Variants in PLXNA4 observed in about 807,000 individuals in gnomAD.
The protein encoded by PLXNA4 is plexin A4.
A neutral mutation model predicts 191.8 loss-of-function variants in PLXNA4; 44 were observed. That is an observed-to-expected ratio of 0.23 (90% CI 0.18 to 0.29). PLXNA4 has a LOEUF of 0.29. PLXNA4 is among the 10% of genes least tolerant of loss of function. The pLI is 1.00. For synonymous variants in PLXNA4, 1,082 were observed against 1,009.5 expected (o/e 1.07, Z -1.36); for missense variants, 1,800 against 2,488.8 (o/e 0.72, Z 5.89).
At chr7:132,517,622 G>C (rs1203555757) in intron 1 of PLXNA4, among the ~76,000 whole-genome samples, 1 of 152,194 alleles carries the variant, frequency 6.6e-6, no homozygotes, top group Non-Finnish European at 1.5e-5. Context: ...GGTGCATCAG[G>C]CTCTGGCCCT....
chr7:132,559,982 T>C (rs1408702821), intron 1 of PLXNA4, among the ~76,000 whole-genome samples: 2 of 152,142 alleles, frequency 1.3e-5, no homozygotes, highest in East Asian at 1.9e-4. Context: ...ATTCCCATGA[T>C]AAAAATTTTT....
rs1795504268 is a variant in PLXNA4 at position 132,148,651 on chromosome 7, C to CAA, written c.4661-7_4661-6dup. 1.2e-6 allele frequency: 2 copies of CAA among 1,614,100 alleles called. No individual in the cohort carries two copies. The highest frequency in any genetic ancestry group is 1.7e-6 in the Non-Finnish European group (2 of 1,179,996). ...CCCCACTTCCTTGTCGCCACTCTGCCAAAAGAGCGGTGGCGTTTCAGAGAG... is the reference window on the plus strand; with the variant it reads ...CCCCACTTCCTTGTCGCCACTCTGCCAAAAAAGAGCGGTGGCGTTTCAGAGAG... On this transcript the variant is annotated splice_polypyrimidine_tract_variant and splice_region_variant and intron_variant, in intron 25 of 31. Coordinates refer to ENST00000321063, the MANE Select transcript of PLXNA4 (RefSeq NM_020911.2).
At chr7:132,410,576 T>G (rs1233284447) in intron 3 of PLXNA4, among the ~76,000 whole-genome samples, 1 of 152,176 alleles carries the variant, frequency 6.6e-6, no homozygotes, top group Non-Finnish European at 1.5e-5. Context: ...ATTTATGAGC[T>G]GACAACCAGA....
chr7:132,374,796 C>T (rs544054908), intron 3 of PLXNA4, among the ~76,000 whole-genome samples: 1 of 152,298 alleles, frequency 6.6e-6, no homozygotes, highest in South Asian at 2.1e-4. Flanking sequence ...TTTTATCTAG[C>T]AATTTCACTA....
intron 21 of PLXNA4, among the ~76,000 whole-genome samples, chr7:132,172,879 T>C (rs1796335200): frequency 6.6e-6 from 1 of 152,214 alleles, no homozygotes; most frequent in African/African-American, 2.4e-5. Flanking sequence ...TGCATTCTTA[T>C]TTAAATTATT....
intron 8 of PLXNA4, 121 bp from the exon 9 acceptor site, chr7:132,223,762 C>T: frequency 4.2e-6 from 3 of 715,352 alleles, no homozygotes; most frequent in Middle Eastern, 2.8e-4. Context: ...GTTGAATGTG[C>T]AGGAAGGGCA....
At chr7:132,567,535 T>G (rs1237421073) in intron 1 of PLXNA4, among the ~76,000 whole-genome samples, 1 of 152,222 alleles carries the variant, frequency 6.6e-6, no homozygotes, top group African/African-American at 2.4e-5. Flanking sequence ...CTGTCCCTGC[T>G]GCAGAGTAAG....
intron 1 of PLXNA4, among the ~76,000 whole-genome samples, chr7:132,528,354 A>T (rs550014036): frequency 1.3e-5 from 2 of 152,106 alleles, no homozygotes; most frequent in East Asian, 3.9e-4. Context: ...CAGCCAACCC[A>T]CCAATGTGTC....
intron 10 of PLXNA4, among the ~76,000 whole-genome samples, chr7:132,206,086 T>C (rs1176800848): frequency 6.6e-6 from 1 of 152,122 alleles, no homozygotes; most frequent in East Asian, 1.9e-4. Context: ...TTCCACAAAG[T>C]GGTTCTGCCA....
intron 9 of PLXNA4, among the ~76,000 whole-genome samples, chr7:132,220,671 G>A (rs1015290183): frequency 6.6e-6 from 1 of 151,970 alleles, no homozygotes; most frequent in Non-Finnish European, 1.5e-5. Context: ...CTGAGATGCT[G>A]TGAATCCCCA....
At chr7:132,582,156 T>A (rs1023126204), upstream of PLXNA4, among the ~76,000 whole-genome samples, 4 of 152,208 alleles carry the variant, frequency 2.6e-5, no homozygotes, top group East Asian at 7.7e-4. Flanking sequence ...AATTCACGTC[T>A]CCCACATGGC....
intron 1 of PLXNA4, among the ~76,000 whole-genome samples, chr7:132,648,088 CAG>C (rs1313858880): frequency 6.6e-6 from 1 of 151,982 alleles, no homozygotes; most frequent in African/African-American, 2.4e-5. Context: ...CTCACAAACT[CAG>C]TGTCATATAC....
At position 132,205,025 on chromosome 7, in the gene PLXNA4, C is replaced by G. The variant is rs7787123; in HGVS notation, c.2299-1606G>C. Among the ~76,000 whole-genome samples the G allele has an allele frequency of 1.7e-3, 254 of 152,268 alleles. 1 individual carries two copies. The highest frequency in any genetic ancestry group is 5.9e-3 in the African/African-American group (245 of 41,550). On this transcript the variant is annotated intron_variant, in intron 10 of 31. Transcript: ENST00000321063. ...CAACGGAGGAGTTTGCAACGTACCC[C>G]CGTCGTTGAATCTCTCGTTTGACCA...
intron 4 of PLXNA4, among the ~76,000 whole-genome samples, chr7:132,243,697 C>T (rs1798955344): frequency 7.4e-6 from 1 of 135,236 alleles, no homozygotes; most frequent in Non-Finnish European, 1.6e-5. Flanking sequence ...TCACAGTTTC[C>T]CAAAGCACAG....
At chr7:132,460,676 C>T (rs1037197143) in intron 3 of PLXNA4, among the ~76,000 whole-genome samples, 2 of 152,162 alleles carry the variant, frequency 1.3e-5, no homozygotes, top group Non-Finnish European at 2.9e-5. Context: ...GTGGTCACAG[C>T]CTCTCTAAGC....
At chr7:132,419,248 A>G (rs1353475419) in intron 3 of PLXNA4, among the ~76,000 whole-genome samples, 4 of 152,226 alleles carry the variant, frequency 2.6e-5, no homozygotes, top group African/African-American at 9.6e-5. Flanking sequence ...AGAGGAAACC[A>G]CAGTTCTTCT....
chr7:132,545,690 T>A (rs904843409), intron 1 of PLXNA4, among the ~76,000 whole-genome samples: 1 of 152,146 alleles, frequency 6.6e-6, no homozygotes, highest in African/African-American at 2.4e-5. Flanking sequence ...TCATTTGTTT[T>A]TTGCAGGAAA....
chr7:132,600,627 C>A (rs370038100), intron 2 of PLXNA4, among the ~76,000 whole-genome samples: 2 of 152,216 alleles, frequency 1.3e-5, no homozygotes, highest in African/African-American at 4.8e-5. Flanking sequence ...CTGGCCTCAG[C>A]CTCCCAAAGT....
At chr7:132,402,697 C>T (rs1794042187) in intron 3 of PLXNA4, among the ~76,000 whole-genome samples, 1 of 152,220 alleles carries the variant, frequency 6.6e-6, no homozygotes, top group Non-Finnish European at 1.5e-5. Flanking sequence ...GCTCCCGAGC[C>T]GCTCAGTCCA....
Sources: allele counts gnomAD v4.1 joint callset (sites outside exome capture counted in the v4.1 genomes callset), GRCh38; gene constraint gnomAD v4.1.1; transcripts MANE v1.5; gene names NCBI Gene and HGNC (gene_info 2026-07-23, HGNC 2026-07-21).